Variants in USP47 observed in about 807,000 individuals in gnomAD.
USP47 encodes ubiquitin carboxyl-terminal hydrolase 47.
Under a neutral mutation model 165.1 loss-of-function variants are expected in USP47, and 35 were observed. The observed-to-expected ratio is 0.21, with a 90% confidence interval of 0.16 to 0.28. The LOEUF (loss-of-function observed/expected upper bound fraction) is 0.28, where lower values mean the gene tolerates loss of function less well. Among genes scored for constraint, USP47 ranks in the 10% least tolerant of loss-of-function variants. USP47 has a pLI of 1.00. For synonymous variants in USP47, 531 were observed against 544.5 expected (o/e 0.98, Z 0.35); for missense variants, 1,277 against 1,607.4 (o/e 0.79, Z 3.52).
At chr11:11,854,675 T>C (rs1332233290) in intron 1 of USP47, among the ~76,000 whole-genome samples, 1 of 147,774 alleles carries the variant, frequency 6.8e-6, no homozygotes, top group East Asian at 2.0e-4. Flanking sequence ...TCATTTGAAG[T>C]TGACAGCTGA....
chr11:11,903,784 A>G (rs1431765779), intron 7 of USP47, among the ~76,000 whole-genome samples: 1 of 152,180 alleles, frequency 6.6e-6, no homozygotes, highest in Non-Finnish European at 1.5e-5. Flanking sequence ...ATCCTCATTA[A>G]TCTAACCCGA....
intron 1 of USP47, 75 bp from the exon 2 acceptor site, chr11:11,880,102 A>C: frequency 9.5e-7 from 1 of 1,056,332 alleles, no homozygotes; most frequent in South Asian, 1.9e-5. Context: ...TTTAATCATA[A>C]AATTTTATAG....
intron 1 of USP47, among the ~76,000 whole-genome samples, chr11:11,871,270 G>A (rs1037418198): frequency 2.6e-5 from 4 of 151,642 alleles, no homozygotes; most frequent in East Asian, 1.9e-4. Context: ...TTGGGAGGCC[G>A]AGGCGGATAG....
Position 11,938,352 on chromosome 11 carries a change from T to C in USP47, c.2173T>C (p.Phe725Leu). The part of the protein sequence containing the change: ...RAYLNQTVTE[F>L]KQLISKAIHL... ...TTACTTAAATCAGACAGTTACAGAA[T>C]TCAAACAACTGATTTCAAAGGTAAG... Residue 725 changes from phenylalanine to leucine, a missense_variant, in exon 18 of 28, where the codon TTC becomes CTC. By Grantham distance (22) the Phe-to-Leu change is conservative (BLOSUM62 0). Around this residue, in one of 4 missense-constraint regions of USP47, gnomAD observed 909 missense variants for 1,068.1 expected, o/e 0.85. Coordinates refer to ENST00000527733, the MANE Select transcript of USP47 (RefSeq NM_001282659.2). The C allele has an allele frequency of 2.5e-6, 4 of 1,611,806 alleles. No homozygotes were observed. Among genetic ancestry groups the C allele is most frequent in the Non-Finnish European group, 3.4e-6 (4 of 1,178,636 alleles).
chr11:11,842,145 C>T lies in USP47; in HGVS notation c.-41C>T. On this transcript the variant is annotated 5_prime_UTR_variant, in exon 1 of 28. Coordinates refer to ENST00000527733, the MANE Select transcript of USP47 (RefSeq NM_001282659.2). ...GCTAGCGAGCCGCCGCCACCCTCCA[C>T]CCTCCCCCGGCAGGGCGGAGAGGAG... 1 of 1,550,224 alleles carries T rather than the reference C, an allele frequency of 6.5e-7. No individual in the cohort carries two copies. The highest frequency in any genetic ancestry group is 8.7e-7 in the Non-Finnish European group (1 of 1,146,092).
At chr11:11,925,613 T>C (rs1854182643) in intron 11 of USP47, among the ~76,000 whole-genome samples, 1 of 151,496 alleles carries the variant, frequency 6.6e-6, no homozygotes, top group South Asian at 2.1e-4. Flanking sequence ...CCTGCACTTT[T>C]TGTTGAATTT....
intron 27 of USP47, 76 bp downstream of exon 27, chr11:11,955,240 T>A (rs1856488805): frequency 1.3e-6 from 2 of 1,524,808 alleles, no homozygotes. Flanking sequence ...TCCATAAATA[T>A]CTTTACTGTT....
At chr11:11,847,735 G>A (rs557547403) in intron 1 of USP47, among the ~76,000 whole-genome samples, 3 of 152,132 alleles carry the variant, frequency 2.0e-5, no homozygotes, top group Admixed American at 2.0e-4. Context: ...TTTCTAATTG[G>A]TCAGTCTGCT....
chr11:11,878,590 TTAA>T (rs1182098479), intron 1 of USP47: 18 of 152,134 alleles, frequency 1.2e-4, no homozygotes, highest in African/African-American at 4.1e-4. Flanking sequence ...GAAATGTATG[TTAA>T]TAATGTTCTT....
chr11:11,887,031 C>A (rs929821751), intron 3 of USP47, among the ~76,000 whole-genome samples: 2 of 152,100 alleles, frequency 1.3e-5, no homozygotes, highest in African/African-American at 2.4e-5. Context: ...CGAGCAAATG[C>A]TGAGAGAATT....
At chr11:11,860,959 C>T (rs778519713) in intron 1 of USP47, among the ~76,000 whole-genome samples, 1 of 152,078 alleles carries the variant, frequency 6.6e-6, no homozygotes, top group African/African-American at 2.4e-5. Context: ...CATCAGAAGG[C>T]CTCTGTTATT....
At chr11:11,859,126 A>C (rs1849231471) in intron 1 of USP47, among the ~76,000 whole-genome samples, 1 of 152,202 alleles carries the variant, frequency 6.6e-6, no homozygotes, top group African/African-American at 2.4e-5. Context: ...GACTGATAAC[A>C]GAGCATCTTT....
Position 11,903,255 on chromosome 11 carries a change from T to A in USP47, c.740-8T>A. On this transcript the variant is annotated splice_region_variant and splice_polypyrimidine_tract_variant and intron_variant, in intron 6 of 27. Coordinates refer to ENST00000527733, the MANE Select transcript of USP47 (RefSeq NM_001282659.2). ...AGCTATTTCTAATTGAATTTTATCTTAAAACAGCTTGGCAGCAGCATGATG... is the reference window on the plus strand; with the variant it reads ...AGCTATTTCTAATTGAATTTTATCTAAAAACAGCTTGGCAGCAGCATGATG... The A allele has an allele frequency of 6.2e-7, 1 of 1,606,694 alleles. No homozygotes were observed. The highest frequency in any genetic ancestry group is 2.2e-5 in the East Asian group (1 of 44,704).
intron 25 of USP47, among the ~76,000 whole-genome samples, chr11:11,953,506 G>A (rs11022092): frequency 0.063 from 9,542 of 151,812 alleles, 946 homozygotes; most frequent in African/African-American, 0.22. Context: ...AATACCAGAA[G>A]CCAAAAAAAG....
chr11:11,937,034 C>T (rs1303053024), intron 17 of USP47, among the ~76,000 whole-genome samples: 1 of 151,802 alleles, frequency 6.6e-6, no homozygotes, highest in African/African-American at 2.4e-5. Flanking sequence ...TTCATCTTTT[C>T]TTTCTTCATT....
At chr11:11,927,433 AT>A (rs1184016097) in intron 11 of USP47, among the ~76,000 whole-genome samples, 1 of 152,112 alleles carries the variant, frequency 6.6e-6, no homozygotes, top group Non-Finnish European at 1.5e-5. Flanking sequence ...TTGTTTACAT[AT>A]TATGTATGTC....
At position 11,957,939 on chromosome 11, in the gene USP47, T is replaced by C. The variant is rs1384270886; in HGVS notation, c.*1764T>C. ...GCGAAATTTGACTGAAGTAATGTTC[T>C]GAGTTTGCATTAGTGGGATTGGTGA... On this transcript the variant is annotated 3_prime_UTR_variant, in exon 28 of 28. Transcript: ENST00000527733. 1 of 152,248 alleles carries C rather than the reference T, an allele frequency of 6.6e-6. No individual in the cohort carries two copies. The highest frequency in any genetic ancestry group is 1.5e-5 in the Non-Finnish European group (1 of 68,038). 9.4% of individuals were successfully genotyped at this position (152,248 alleles called of 1,614,324 possible). A position where few individuals can be genotyped will look rare whatever the true frequency, so the allele number is the denominator to read the frequency against.
intron 11 of USP47, among the ~76,000 whole-genome samples, chr11:11,924,080 T>C (rs1854060522): frequency 6.6e-6 from 1 of 152,164 alleles, no homozygotes. Context: ...TTACCTTGTT[T>C]CCAATCTTCA....
At chr11:11,926,423 T>G (rs80078634) in intron 11 of USP47, among the ~76,000 whole-genome samples, 2,857 of 152,244 alleles carry the variant, frequency 0.019, 67 homozygotes, top group African/African-American at 0.055. Context: ...GTTAAACGTT[T>G]GTAGAAATTT....
Sources: allele counts gnomAD v4.1 joint callset (sites outside exome capture counted in the v4.1 genomes callset), GRCh38; gene constraint gnomAD v4.1.1; regional missense constraint gnomAD v4.1.1; transcripts MANE v1.5; gene names NCBI Gene and HGNC (gene_info 2026-07-23, HGNC 2026-07-21).